AGBL4: variants seen among roughly 807,000 people sequenced by gnomAD.
AGBL4 encodes the protein AGBL carboxypeptidase 4, also known as cytosolic carboxypeptidase 6.
AGBL4 carries 58 observed loss-of-function variants against 66.4 expected under a neutral mutation model. That is an observed-to-expected ratio of 0.87 (90% CI 0.71 to 1.09). AGBL4 has a LOEUF of 1.09. Ranked by LOEUF, AGBL4 falls within the 50% of genes least tolerant of loss-of-function variation. The pLI is 0.00. For synonymous variants in AGBL4, 234 were observed against 222.9 expected (o/e 1.05, Z -0.44); for missense variants, 579 against 631.0 (o/e 0.92, Z 0.88).
At chr1:49,708,031 T>TG in intron 2 of AGBL4, among the ~76,000 whole-genome samples, 1 of 152,296 alleles carries the variant, frequency 6.6e-6, no homozygotes, top group African/African-American at 2.4e-5. Context: ...TTATGTGTCT[T>TG]GGGGTTGCTC....
At chr1:49,928,448 C>T (rs1653009699) in intron 1 of AGBL4, among the ~76,000 whole-genome samples, 1 of 151,732 alleles carries the variant, frequency 6.6e-6, no homozygotes, top group South Asian at 2.1e-4. Flanking sequence ...ATAGGGTTTC[C>T]CCATGTTGGC....
intron 8 of AGBL4, among the ~76,000 whole-genome samples, chr1:48,651,233 T>C (rs1183396868): frequency 3.9e-5 from 6 of 152,152 alleles, no homozygotes; most frequent in Non-Finnish European, 1.5e-5. Flanking sequence ...GTGAAACCAC[T>C]TCTGAGGGTT....
At chr1:48,548,408 A>G (rs1224311316) in intron 11 of AGBL4, among the ~76,000 whole-genome samples, 15 of 152,168 alleles carry the variant, frequency 9.9e-5, no homozygotes, top group Admixed American at 9.8e-4. Flanking sequence ...CTCTTGCTAA[A>G]TCCAGCCCAA....
intron 9 of AGBL4, among the ~76,000 whole-genome samples, chr1:48,607,993 T>A (rs1184003952): frequency 6.6e-6 from 1 of 152,192 alleles, no homozygotes; most frequent in Non-Finnish European, 1.5e-5. Context: ...ACAAAGCTTC[T>A]AAGTGGCAGA....
chr1:48,581,791 A>G (rs1392344110), intron 11 of AGBL4, among the ~76,000 whole-genome samples: 2 of 152,238 alleles, frequency 1.3e-5, no homozygotes, highest in Non-Finnish European at 2.9e-5. Context: ...TGATGTAAAT[A>G]ATCTTCCTCA....
At chr1:49,802,539 T>C (rs949756706) in intron 2 of AGBL4, among the ~76,000 whole-genome samples, 3 of 152,226 alleles carry the variant, frequency 2.0e-5, no homozygotes, top group African/African-American at 7.2e-5. Flanking sequence ...CACTGTATTA[T>C]AAATTCTTAT....
chr1:49,848,789 G>A (rs1646224720), intron 2 of AGBL4, among the ~76,000 whole-genome samples: 1 of 152,092 alleles, frequency 6.6e-6, no homozygotes, highest in Admixed American at 6.6e-5. Flanking sequence ...AACTGTGTTT[G>A]TACCCCTTAA....
chr1:49,934,832 A>AG (rs1230544504), intron 1 of AGBL4, among the ~76,000 whole-genome samples: 1 of 151,968 alleles, frequency 6.6e-6, no homozygotes, highest in Non-Finnish European at 1.5e-5. Context: ...TACAAAAAAA[A>AG]AAAAAAATAG....
chr1:48,531,412 C>T (rs1265674899), downstream of AGBL4, among the ~76,000 whole-genome samples: 2 of 152,196 alleles, frequency 1.3e-5, no homozygotes, highest in Non-Finnish European at 2.9e-5. Flanking sequence ...GAGCATTCAG[C>T]TTCCAACCCA....
rs1644064512 is a variant in AGBL4 at position 49,045,806 on chromosome 1, A to G, written c.378-6T>C. On this transcript the variant is annotated splice_polypyrimidine_tract_variant and splice_region_variant and intron_variant, in intron 4 of 13. Transcript: ENST00000371839. ...TTTTGGGTGGCAGCCTTTGCCTAAA[A>G]TATATAAACAAAGAAATTTGGGCAT... 1.9e-6 allele frequency: 3 copies of G among 1,547,180 alleles called. No individual in the cohort carries two copies. The highest frequency in any genetic ancestry group is 2.7e-5 in the African/African-American group (2 of 72,772).
intron 3 of AGBL4, among the ~76,000 whole-genome samples, chr1:49,609,241 C>A (rs980976010): frequency 6.6e-6 from 1 of 152,166 alleles, no homozygotes; most frequent in African/African-American, 2.4e-5. Context: ...GGGACATATG[C>A]TAGCTTCCTG....
Position 49,569,084 on chromosome 1 carries a change from T to G in AGBL4, c.282+128229A>C, listed in dbSNP as rs369681418. On this transcript the variant is annotated intron_variant, in intron 3 of 13. Transcript: ENST00000371839. ...TGAAATCTTGTCATTTGCAACAACA[T>G]GAATGGAACTGGAAGTCATTATGAT... Among the ~76,000 whole-genome samples, 212 of 152,298 alleles carry G rather than the reference T, an allele frequency of 1.4e-3. 1 individual carries two copies. The highest frequency in any genetic ancestry group is 4.8e-3 in the African/African-American group (198 of 41,556).
chr1:48,702,594 C>A (rs1458510544), intron 6 of AGBL4, among the ~76,000 whole-genome samples: 3 of 152,110 alleles, frequency 2.0e-5, no homozygotes, highest in Admixed American at 1.3e-4. Flanking sequence ...CCGTGCCTGG[C>A]CTCTTCTTTT....
chr1:49,793,059 T>C (rs1230558881), intron 2 of AGBL4, among the ~76,000 whole-genome samples: 1 of 152,018 alleles, frequency 6.6e-6, no homozygotes, highest in Non-Finnish European at 1.5e-5. Flanking sequence ...AACCAAACAA[T>C]GGAAGTCCAT....
intron 1 of AGBL4, among the ~76,000 whole-genome samples, chr1:49,865,168 G>T (rs937877985): frequency 6.6e-6 from 1 of 152,152 alleles, no homozygotes; most frequent in African/African-American, 2.4e-5. Context: ...GAGGACTTAA[G>T]TATTTCCCCC....
At chr1:49,411,534 T>G (rs944654508) in intron 3 of AGBL4, among the ~76,000 whole-genome samples, 1 of 151,966 alleles carries the variant, frequency 6.6e-6, no homozygotes, top group South Asian at 2.1e-4. Context: ...TCACAGAAAG[T>G]TAAAGCATTT....
At chr1:49,372,607 T>TTCTTTC (rs759190346) in intron 3 of AGBL4, among the ~76,000 whole-genome samples, 5 of 111,172 alleles carry the variant, frequency 4.5e-5, no homozygotes, top group South Asian at 3.7e-4. Flanking sequence ...TTCTTTTTCT[T>TTCTTTC]TTTCTTTCTT....
intron 5 of AGBL4, among the ~76,000 whole-genome samples, chr1:48,990,777 T>C (rs1660543239): frequency 6.6e-6 from 1 of 152,168 alleles, no homozygotes; most frequent in Non-Finnish European, 1.5e-5. Flanking sequence ...TTGTAAATAA[T>C]ATCTCATAAC....
At chr1:48,979,885 T>A (rs1476268758) in intron 5 of AGBL4, among the ~76,000 whole-genome samples, 2 of 152,186 alleles carry the variant, frequency 1.3e-5, no homozygotes, top group Non-Finnish European at 2.9e-5. Flanking sequence ...AATTAATTTT[T>A]AAAATTTTTA....
Sources: allele counts gnomAD v4.1 joint callset (sites outside exome capture counted in the v4.1 genomes callset), GRCh38; gene constraint gnomAD v4.1.1; transcripts MANE v1.5; gene names NCBI Gene and HGNC (gene_info 2026-07-23, HGNC 2026-07-21).